RABGAP1L: variants seen among roughly 807,000 people sequenced by gnomAD.
RABGAP1L encodes the protein rab GTPase-activating protein 1-like.
RABGAP1L carries 63 observed loss-of-function variants against 137.7 expected under a neutral mutation model. The ratio of observed to expected loss-of-function variants is 0.46; its 90% CI spans 0.37 to 0.56. The LOEUF (loss-of-function observed/expected upper bound fraction) is 0.56, where lower values mean the gene tolerates loss of function less well. Ranked by LOEUF, RABGAP1L falls within the 20% of genes least tolerant of loss-of-function variation. The pLI, the probability that RABGAP1L is intolerant of heterozygous loss-of-function variation, is 0.00. For missense variants in RABGAP1L, 1,095 were observed against 1,244.0 expected (o/e 0.88, Z 1.80); for synonymous variants, 431 against 433.7 (o/e 0.99, Z 0.08).
At chr1:174,867,975 CT>C (rs376256217) in intron 19 of RABGAP1L, among the ~76,000 whole-genome samples, 23 of 147,416 alleles carry the variant, frequency 1.6e-4, no homozygotes, top group Admixed American at 3.4e-4. Context: ...TGCTTAAACT[CT>C]TTTTTTTTTG....
intron 19 of RABGAP1L, chr1:174,874,567 C>A: frequency 1.3e-6 from 1 of 778,004 alleles, no homozygotes; most frequent in Non-Finnish European, 1.5e-6. Flanking sequence ...GGTAATTCTC[C>A]ACACCACTGC....
chr1:174,389,348 G>A (rs530598221), intron 12 of RABGAP1L, among the ~76,000 whole-genome samples: 1 of 151,316 alleles, frequency 6.6e-6, no homozygotes, highest in Non-Finnish European at 1.5e-5. Context: ...ATATCTCATA[G>A]CCACCTACTT....
intron 12 of RABGAP1L, among the ~76,000 whole-genome samples, chr1:174,379,068 C>G (rs1367500101): frequency 7.0e-6 from 1 of 141,922 alleles, no homozygotes; most frequent in Non-Finnish European, 1.5e-5. Context: ...GCTTGTTTTT[C>G]TCAGGTTTGT....
chr1:174,224,380 G>A (rs910564054), intron 3 of RABGAP1L, among the ~76,000 whole-genome samples: 2 of 152,098 alleles, frequency 1.3e-5, no homozygotes, highest in African/African-American at 4.8e-5. Context: ...CTGGGCAGGA[G>A]AATGGCTTGA....
chr1:174,653,231 G>A (rs1572694467), intron 14 of RABGAP1L, among the ~76,000 whole-genome samples: 1 of 152,260 alleles, frequency 6.6e-6, no homozygotes, highest in South Asian at 2.1e-4. Context: ...TAGCTTGCTG[G>A]GCTCCATGGG....
In RABGAP1L at chr1:174,887,987, A is replaced by C. The variant is rs557572349; in HGVS notation, c.2341-69470A>C. On this transcript the variant is annotated intron_variant, in intron 19 of 25. Transcript: ENST00000681986. ...GGGAGGCAGAGGTTGCAGTGAGCTG[A>C]GATCACGCCACTGCACTCCAGCCTG... Among the ~76,000 whole-genome samples, 7 of 152,256 alleles carry C rather than the reference A, an allele frequency of 4.6e-5. No homozygotes were observed. The South Asian group carries it at 1.0e-3, about 23-fold the overall frequency.
At chr1:174,422,621 C>T (rs949323136) in intron 13 of RABGAP1L, among the ~76,000 whole-genome samples, 4 of 151,990 alleles carry the variant, frequency 2.6e-5, no homozygotes, top group African/African-American at 9.7e-5. Flanking sequence ...TTAAATCAGT[C>T]AGGTAACCAT....
At chr1:174,763,289 T>A (rs1158065758) in intron 18 of RABGAP1L, among the ~76,000 whole-genome samples, 1 of 146,120 alleles carries the variant, frequency 6.8e-6, no homozygotes, top group Non-Finnish European at 1.5e-5. Flanking sequence ...GAGGCTGAGG[T>A]GGGTGGATCA....
At chr1:174,690,641 A>G (rs1169043724) in intron 15 of RABGAP1L, among the ~76,000 whole-genome samples, 3 of 152,178 alleles carry the variant, frequency 2.0e-5, no homozygotes, top group African/African-American at 4.8e-5. Context: ...TAGGAGACTA[A>G]TATATCATAC....
chr1:174,457,497 T>C (rs1656170714), intron 13 of RABGAP1L, among the ~76,000 whole-genome samples: 1 of 149,342 alleles, frequency 6.7e-6, no homozygotes, highest in East Asian at 1.9e-4. Flanking sequence ...TTTTTTTTTT[T>C]TTGAGATGGA....
chr1:174,440,393 C>A (rs1288343918), intron 13 of RABGAP1L, among the ~76,000 whole-genome samples: 3 of 152,150 alleles, frequency 2.0e-5, no homozygotes, highest in Admixed American at 2.0e-4. Context: ...TTGGAAGCCA[C>A]TACAGGTGTC....
At chr1:174,798,268 G>A (rs2148816651) in intron 18 of RABGAP1L, among the ~76,000 whole-genome samples, 1 of 151,460 alleles carries the variant, frequency 6.6e-6, no homozygotes, top group South Asian at 2.1e-4. Context: ...ATAGCTGGGT[G>A]TGGTGGCGGG....
At chr1:174,290,686 A>G (rs1475501917) in intron 10 of RABGAP1L, among the ~76,000 whole-genome samples, 1 of 151,928 alleles carries the variant, frequency 6.6e-6, no homozygotes, top group Non-Finnish European at 1.5e-5. Flanking sequence ...TTATTTTTAG[A>G]ATACATAAAG....
In RABGAP1L at chr1:174,624,190, G is replaced by A. The variant is rs532409233; in HGVS notation, c.1711-13185G>A. Among the ~76,000 whole-genome samples, 160 of 152,248 alleles carry A rather than the reference G, an allele frequency of 1.1e-3. 1 individual carries two copies. The highest frequency in any genetic ancestry group is 1.8e-3 in the Non-Finnish European group (121 of 68,014). ...TGGAGGGTTTGTTTATACCACACTCGCTGTTAATATATTCACTCATGATCT... is the reference window on the plus strand; with the variant it reads ...TGGAGGGTTTGTTTATACCACACTCACTGTTAATATATTCACTCATGATCT... On this transcript the variant is annotated intron_variant, in intron 13 of 25. Coordinates refer to ENST00000681986, the MANE Select transcript of RABGAP1L (RefSeq NM_001366446.1).
intron 11 of RABGAP1L, among the ~76,000 whole-genome samples, chr1:174,351,870 C>T (rs747557616): frequency 2.0e-5 from 3 of 152,098 alleles, no homozygotes; most frequent in East Asian, 1.9e-4. Flanking sequence ...GGTGCCATCT[C>T]GGCTCACTGC....
chr1:174,701,888 T>C (rs1679686145), intron 16 of RABGAP1L, among the ~76,000 whole-genome samples: 1 of 152,216 alleles, frequency 6.6e-6, no homozygotes, highest in South Asian at 2.1e-4. Flanking sequence ...AGATGGTCTT[T>C]CTTAGTTGTT....
intron 17 of RABGAP1L, among the ~76,000 whole-genome samples, chr1:174,750,845 G>A (rs1239186685): frequency 1.3e-5 from 2 of 152,168 alleles, no homozygotes; most frequent in African/African-American, 4.8e-5. Context: ...GTGATGTGGT[G>A]GTGGACAGAG....
In RABGAP1L at chr1:174,704,826, CA is replaced by C. The variant is rs1679933218; in HGVS notation, c.2169+2571del. On this transcript the variant is annotated intron_variant, in intron 17 of 25. Coordinates refer to ENST00000681986, the MANE Select transcript of RABGAP1L (RefSeq NM_001366446.1). ...TGATTATCCAAATTGGTGTAGTGAA[CA>C]GTTCCAACTCCGCTATTTTATAGGG... Among the ~76,000 whole-genome samples the C allele has an allele frequency of 3.3e-5, 5 of 152,256 alleles. No homozygotes were observed. In the South Asian group the frequency reaches 1.0e-3, roughly 32 times the overall value.
At chr1:174,613,445 T>G (rs1195186120) in intron 13 of RABGAP1L, among the ~76,000 whole-genome samples, 2 of 152,180 alleles carry the variant, frequency 1.3e-5, no homozygotes, top group Non-Finnish European at 1.5e-5. Context: ...TTTCTGTTCT[T>G]TTACATTTGC....
Sources: allele counts gnomAD v4.1 joint callset (sites outside exome capture counted in the v4.1 genomes callset), GRCh38; gene constraint gnomAD v4.1.1; transcripts MANE v1.5; gene names NCBI Gene and HGNC (gene_info 2026-07-23, HGNC 2026-07-21).